The following FAAH variants were observed in gnomAD, a reference collection of about 807,000 sequenced individuals.
FAAH encodes fatty-acid amide hydrolase 1.
FAAH carries 63 observed loss-of-function variants against 69.7 expected under a neutral mutation model. The observed-to-expected ratio is 0.90, with a 90% CI of 0.74 to 1.12. FAAH has a LOEUF of 1.12. Among genes scored for constraint, FAAH ranks in the 50% most tolerant of loss-of-function variants. The pLI, the probability that FAAH is intolerant of heterozygous loss-of-function variation, is 0.00. For synonymous variants in FAAH, 305 were observed against 324.2 expected (o/e 0.94, Z 0.64); for missense variants, 680 against 755.0 (o/e 0.90, Z 1.16).
chr1:46,413,002 A>G, intron 13 of FAAH, 73 bp from the exon 14 acceptor site: 2 of 1,576,446 alleles, frequency 1.3e-6, no homozygotes, highest in Non-Finnish European at 8.7e-7. Context: ...ATTTCATATG[A>G]GGTTTGACTC....
At position 46,405,880 on chromosome 1, in the gene FAAH, C is replaced by T. The variant is rs1375505529; in HGVS notation, c.785+86C>T. 3 of 1,604,944 alleles carry T rather than the reference C, an allele frequency of 1.9e-6. No individual in the cohort carries two copies. Among genetic ancestry groups the T allele is most frequent in the Non-Finnish European group, 2.6e-6 (3 of 1,176,290 alleles). ...CCTCTCTGGGCTCCAGGCGGGGATTCGGTCTCCGGGGTTTTGCTGGGAGGA... is the reference window on the plus strand; with the variant it reads ...CCTCTCTGGGCTCCAGGCGGGGATTTGGTCTCCGGGGTTTTGCTGGGAGGA... On this transcript the variant is annotated intron_variant, in intron 5 of 14. Coordinates refer to ENST00000243167, the MANE Select transcript of FAAH (RefSeq NM_001441.3). This position sits in a 1 kb window ranked among gnomAD's most constrained non-coding sequence, Gnocchi z 4.1.
At position 46,406,356 on chromosome 1, in the gene FAAH, C is replaced by T. The variant is rs768932444; in HGVS notation, c.939C>T (p.Pro313=). The T allele has an allele frequency of 2.5e-6, 4 of 1,613,950 alleles. No homozygotes were observed. The African/African-American group carries it at 4.0e-5, about 16-fold the overall frequency. The change falls in exon 7 of 15, where the codon CCC becomes CCT. Residue 313 remains proline, a synonymous_variant. Coordinates refer to ENST00000243167, the MANE Select transcript of FAAH (RefSeq NM_001441.3). ...FRLDPTVPPL[P]FREEVYTSSQ... The stretch of plus-strand genomic sequence containing the variant: ...TGGACCCCACTGTGCCTCCCTTGCC[C>T]TTCAGAGAAGAGGTGAGCAGGGCTG...
intron 1 of FAAH, among the ~76,000 whole-genome samples, chr1:46,395,603 A>G (rs45546832): frequency 6.6e-6 from 1 of 152,218 alleles, no homozygotes; most frequent in Admixed American, 6.5e-5. Flanking sequence ...GGCTTGCTGT[A>G]TCTGTGGGAC....
intron 7 of FAAH, among the ~76,000 whole-genome samples, chr1:46,406,583 C>CTTTTTT (rs34839737): frequency 2.5e-5 from 3 of 117,800 alleles, no homozygotes; most frequent in Admixed American, 8.8e-5. Flanking sequence ...TTCTTTCTTT[C>CTTTTTT]TTTTTTTTTT....
At chr1:46,406,140 C>T in intron 6 of FAAH, 62 bp downstream of exon 6, 3 of 1,613,944 alleles carry the variant, frequency 1.9e-6, no homozygotes, top group South Asian at 1.1e-5. Flanking sequence ...CCCGCTTCCG[C>T]CCGTGCTTCT....
intron 1 of FAAH, among the ~76,000 whole-genome samples, chr1:46,398,484 G>T (rs1358404179): frequency 6.6e-6 from 1 of 151,904 alleles, no homozygotes; most frequent in Non-Finnish European, 1.5e-5. Context: ...ACAGCGATTT[G>T]TAGTAAAGCT....
At position 46,404,358 on chromosome 1, in the gene FAAH, G is replaced by A. The variant is rs45553834; in HGVS notation, c.310-656G>A. Among the ~76,000 whole-genome samples the A allele has an allele frequency of 1.9e-3, 290 of 152,336 alleles. 2 individuals carry two copies. Among genetic ancestry groups the A allele is most frequent in the African/African-American group, 6.5e-3 (269 of 41,564 alleles). On this transcript the variant is annotated intron_variant, in intron 2 of 14. Coordinates refer to ENST00000243167, the MANE Select transcript of FAAH (RefSeq NM_001441.3). This position sits in a 1 kb window ranked among gnomAD's most constrained non-coding sequence, Gnocchi z 4.5. ...TTTACTGAAAGCTGCATCTCACTCT[G>A]CCCTCACCTTTCCTTCTGTAGGACC...
intron 13 of FAAH, among the ~76,000 whole-genome samples, chr1:46,412,761 T>G (rs1664939659): frequency 1.3e-5 from 2 of 152,102 alleles, no homozygotes. Context: ...CAGTGAGTTA[T>G]GATCACACCA....
chr1:46,406,265 T>C lies in FAAH; in HGVS notation c.848T>C (p.Met283Thr), dbSNP rs763255101. Residue 283 changes from methionine to threonine, a missense_variant, in exon 7 of 15, where the codon ATG becomes ACG. Coordinates refer to ENST00000243167, the MANE Select transcript of FAAH (RefSeq NM_001441.3). ...QEAVRLSVGP[M>T]ARDVESLALC... ...ACAGTGCGTCTCTCCGTGGGCCCCATGGCCCGGGACGTGGAGAGCCTGGCA... is the reference window on the plus strand; with the variant it reads ...ACAGTGCGTCTCTCCGTGGGCCCCACGGCCCGGGACGTGGAGAGCCTGGCA... The C allele has an allele frequency of 6.2e-6, 10 of 1,613,926 alleles. No homozygotes were observed. In the South Asian group the frequency reaches 8.8e-5, roughly 14 times the overall value.
rs777660313 is a variant in FAAH at position 46,412,207 on chromosome 1, T to TG, written c.1422dup (p.Leu475AlafsTer41). Reference sequence around the variant, plus strand: ...GACCTGGATGTGGTGCTGACCCCCATGCTGGCCCCTGCTCTGGACTTGAAT... The same window carrying TG: ...GACCTGGATGTGGTGCTGACCCCCATGGCTGGCCCCTGCTCTGGACTTGAAT... On this transcript the variant is annotated frameshift_variant, in exon 13 of 15. Coordinates refer to ENST00000243167, the MANE Select transcript of FAAH (RefSeq NM_001441.3). LOFTEE classifies it high-confidence loss of function. The TG allele has an allele frequency of 1.9e-6, 3 of 1,559,518 alleles. No individual in the cohort carries two copies. The highest frequency in any genetic ancestry group is 1.7e-4 in the Middle Eastern group (1 of 5,996).
chr1:46,402,160 A>G lies in FAAH; in HGVS notation c.265A>G (p.Arg89Gly). 1.9e-6 allele frequency: 3 copies of G among 1,609,606 alleles called. No individual in the cohort carries two copies. The highest frequency in any genetic ancestry group is 2.5e-6 in the Non-Finnish European group (3 of 1,177,968). Reference protein sequence around the residue: ...LPQLVQKLHSRELAPEAVLFT... With the variant: ...LPQLVQKLHSGELAPEAVLFT... ...TCAGCTGGTGCAGAAGTTACACAGT[A>G]GAGAGCTGGCCCCTGAGGCCGTGCT... The change falls in exon 2 of 15, where the codon AGA becomes GGA. Residue 89 changes from arginine to glycine, a missense_variant. Transcript: ENST00000243167.
rs976880384 is a variant in FAAH at position 46,406,511 on chromosome 1, C to T, written c.951+143C>T. 12 of 1,035,156 alleles carry T rather than the reference C, an allele frequency of 1.2e-5. No individual in the cohort carries two copies. The African/African-American group carries it at 1.6e-4, about 14-fold the overall frequency. 64.1% of individuals were successfully genotyped at this position (1,035,156 alleles called of 1,614,324 possible). A position where few individuals can be genotyped will look rare whatever the true frequency, so the allele number is the denominator to read the frequency against. On this transcript the variant is annotated intron_variant, in intron 7 of 14. Coordinates refer to ENST00000243167, the MANE Select transcript of FAAH (RefSeq NM_001441.3). ...CCAGGGCGGGTTGCTCCTCCACAGA[C>T]GGCCACCAGATGGAGCCCTTGCCTG... is the stretch of plus-strand genomic sequence containing the variant.
At chr1:46,398,694 C>G (rs1270099735) in intron 1 of FAAH, among the ~76,000 whole-genome samples, 1 of 152,094 alleles carries the variant, frequency 6.6e-6, no homozygotes, top group Non-Finnish European at 1.5e-5. Flanking sequence ...GCCACCACAT[C>G]CAGCTAATTT....
rs771624500 is a variant in FAAH, at chr1:46,412,219, C to T, written c.1433C>T (p.Ala478Val). ...DVVLTPMLAP[A>V]LDLNAPGRAT... Reference sequence around the variant, plus strand: ...GTGCTGACCCCCATGCTGGCCCCTGCTCTGGACTTGAATGCCCCAGGCAGG... The same window carrying T: ...GTGCTGACCCCCATGCTGGCCCCTGTTCTGGACTTGAATGCCCCAGGCAGG... The change falls in exon 13 of 15, where the codon GCT becomes GTT. Residue 478 changes from alanine to valine, a missense_variant. Ala to Val is a moderately conservative substitution (Grantham distance 64). Coordinates refer to ENST00000243167, the MANE Select transcript of FAAH (RefSeq NM_001441.3). 1.3e-6 allele frequency: 2 copies of T among 1,556,620 alleles called. No homozygotes were observed. Among genetic ancestry groups the T allele is most frequent in the South Asian group, 2.4e-5 (2 of 84,296 alleles).
intron 1 of FAAH, among the ~76,000 whole-genome samples, chr1:46,397,166 A>G (rs963224898): frequency 1.3e-5 from 2 of 152,188 alleles, no homozygotes; most frequent in Non-Finnish European, 2.9e-5. Context: ...CAGCCAGCTG[A>G]GTTCTGCCAG....
At position 46,404,929 on chromosome 1, in the gene FAAH, G is replaced by T; in HGVS notation, c.310-85G>T. On this transcript the variant is annotated intron_variant, in intron 2 of 14. Coordinates refer to ENST00000243167, the MANE Select transcript of FAAH (RefSeq NM_001441.3). This position sits in a 1 kb window ranked among gnomAD's most constrained non-coding sequence, Gnocchi z 4.5. ...CCTCTCCCTGGGTATACTTTAAAAG[G>T]CCAGTTCTACATGATGTATATTTCA... 6.3e-7 allele frequency: 1 copy of T among 1,589,428 alleles called. No individual in the cohort carries two copies.
In FAAH at chr1:46,410,171, G is replaced by T. The variant is rs1321800264; in HGVS notation, c.1176-227G>T. 1.8e-6 allele frequency: 1 copy of T among 569,210 alleles called. No homozygotes were observed. Among genetic ancestry groups the T allele is most frequent in the Non-Finnish European group, 3.2e-6 (1 of 311,374 alleles). 35.3% of individuals were successfully genotyped at this position (569,210 alleles called of 1,614,324 possible). A position where few individuals can be genotyped will look rare whatever the true frequency, so the allele number is the denominator to read the frequency against. ...CTCTGAGCTGGGTTTGCTGGAGAGG[G>T]ATACCCTGAGTCCTGCCTTGGGGAG... On this transcript the variant is annotated intron_variant, in intron 9 of 14. Transcript: ENST00000243167. The surrounding 1 kb of genome is among the most constrained non-coding windows in gnomAD (Gnocchi z 4.9).
chr1:46,395,097 C>T (rs976201088), intron 1 of FAAH, among the ~76,000 whole-genome samples: 1 of 152,200 alleles, frequency 6.6e-6, no homozygotes, highest in African/African-American at 2.4e-5. Flanking sequence ...CCCGCCACTA[C>T]GCCTGGCTAA....
Position 46,410,570 on chromosome 1 carries a change from A to G in FAAH, c.1275+73A>G, listed in dbSNP as rs193051358. On this transcript the variant is annotated intron_variant, in intron 10 of 14. Coordinates refer to ENST00000243167, the MANE Select transcript of FAAH (RefSeq NM_001441.3). This position sits in a 1 kb window ranked among gnomAD's most constrained non-coding sequence, Gnocchi z 4.9. ...AGGGCCTCCTATCGCATGATCCCCC[A>G]TGGCCTCCCTCAGCCTCTCTTGGTT... 2.1e-5 allele frequency: 29 copies of G among 1,397,290 alleles called. No homozygotes were observed. The East Asian group carries it at 5.7e-4, about 28-fold the overall frequency. 86.6% of individuals were successfully genotyped at this position (1,397,290 alleles called of 1,614,324 possible). A position where few individuals can be genotyped will look rare whatever the true frequency, so the allele number is the denominator to read the frequency against.
Sources: gnomAD v4.1 joint callset for allele counts (sites outside exome capture counted in the v4.1 genomes callset) on GRCh38, gnomAD v4.1.1 for gene constraint, Gnocchi (gnomAD v3.1) non-coding constraint, MANE v1.5 for transcripts, NCBI Gene and HGNC (gene_info 2026-07-23, HGNC 2026-07-21) for gene names.